The following FKBP15 variants were observed in gnomAD, a reference collection of about 807,000 sequenced individuals.
FKBP15 encodes the protein FK506-binding protein 15.
FKBP15 carries 106 observed loss-of-function variants against 158.1 expected under a neutral mutation model. That is an observed-to-expected ratio of 0.67 (90% CI 0.57 to 0.79). FKBP15 has a LOEUF of 0.79. FKBP15 is among the 30% of genes least tolerant of loss of function. The probability of loss-of-function intolerance (pLI) is 0.00; values close to 1 mark genes in which losing one functional copy is unlikely to be tolerated. For missense variants in FKBP15, 1,287 were observed against 1,479.1 expected (o/e 0.87, Z 2.13); for synonymous variants, 547 against 548.6 (o/e 1.00, Z 0.04).
rs1443291104 is a variant in FKBP15, at chr9:113,176,658, G to T, written c.2102C>A (p.Ser701Tyr). 6.2e-7 allele frequency: 1 copy of T among 1,609,008 alleles called. No homozygotes were observed. The highest frequency in any genetic ancestry group is 8.5e-7 in the Non-Finnish European group (1 of 1,177,196). Residue 701 changes from serine to tyrosine, a missense_variant, in exon 21 of 28, where the codon TCT becomes TAT. Ser to Tyr is a moderately radical substitution (Grantham distance 144, BLOSUM62 -2). Transcript: ENST00000238256. ...QAKLSELQET[S>Y]EQAQSKFKSE... is the part of the protein sequence containing the mutation. ...TTTGAATTTGGACTGTGCTTGCTCA[G>T]AGGTTTCTTGGAGCTCTGGGATACA...
At position 113,169,661 on chromosome 9, in the gene FKBP15, T is replaced by A. The variant is rs760891480; in HGVS notation, c.3048A>T (p.Ala1016=). 7.4e-6 allele frequency: 12 copies of A among 1,613,930 alleles called. No individual in the cohort carries two copies. The South Asian group carries it at 9.9e-5, about 13-fold the overall frequency. Residue 1016 remains alanine, a synonymous_variant, in exon 26 of 28, where the codon GCA becomes GCT. Coordinates refer to ENST00000238256, the MANE Select transcript of FKBP15 (RefSeq NM_015258.2). ...HRRKGDSEAE[A]LSEIKDGSLP... is the part of the protein sequence containing the mutation. ...GGGAACCATCTTTTATCTCTGAGAG[T>A]GCCTCAGCTTCTGAGTCCCCTTTCC...
intron 11 of FKBP15, among the ~76,000 whole-genome samples, chr9:113,192,698 T>C (rs1830599103): frequency 6.6e-6 from 1 of 152,168 alleles, no homozygotes; most frequent in South Asian, 2.1e-4. Flanking sequence ...GCGCTTACAA[T>C]ATGCCAGACA....
chr9:113,188,272 C>G (rs1830517004), intron 13 of FKBP15, 117 bp downstream of exon 13: 2 of 784,714 alleles, frequency 2.5e-6, no homozygotes, highest in South Asian at 1.7e-5. Flanking sequence ...CACACTCTTA[C>G]ATTTACACTT....
intron 12 of FKBP15, among the ~76,000 whole-genome samples, chr9:113,190,190 G>A (rs1830550701): frequency 6.6e-6 from 1 of 152,190 alleles, no homozygotes; most frequent in Non-Finnish European, 1.5e-5. Context: ...GCTGCCCAGA[G>A]AGTGATCTTT....
intron 15 of FKBP15, among the ~76,000 whole-genome samples, chr9:113,185,957 C>T (rs983992311): frequency 4.6e-5 from 7 of 151,942 alleles, no homozygotes; most frequent in African/African-American, 1.7e-4. Context: ...GGGAGAAAAT[C>T]CAAGGAAAAA....
At chr9:113,206,712 A>ATTTTTTTTTTT (rs35902681) in intron 3 of FKBP15, 134 bp from the exon 4 acceptor site, 1 of 258,370 alleles carries the variant, frequency 3.9e-6, no homozygotes. Flanking sequence ...GCGGTTTAAA[A>ATTTTTTTTTTT]TTTTTTTTTT....
At chr9:113,178,056 G>A (rs970833241) in intron 20 of FKBP15, among the ~76,000 whole-genome samples, 1 of 152,120 alleles carries the variant, frequency 6.6e-6, no homozygotes, top group Non-Finnish European at 1.5e-5. Flanking sequence ...ATTTTGAAGA[G>A]GACTAAAAGC....
chr9:113,190,177 C>G (rs917497767), intron 12 of FKBP15, among the ~76,000 whole-genome samples: 1 of 152,198 alleles, frequency 6.6e-6, no homozygotes, highest in African/African-American at 2.4e-5. Context: ...GATTGGGCAT[C>G]ATGCTGCCCA....
chr9:113,206,712 A>T (rs59602078), intron 3 of FKBP15, 134 bp from the exon 4 acceptor site: 3,521 of 290,198 alleles, frequency 0.012, 163 homozygotes, highest in African/African-American at 0.082. Flanking sequence ...GCGGTTTAAA[A>T]TTTTTTTTTT....
At chr9:113,176,713 A>C (rs746798844) in intron 20 of FKBP15, 40 bp from the exon 21 acceptor site, 4 of 1,597,846 alleles carry the variant, frequency 2.5e-6, no homozygotes, top group Middle Eastern at 3.3e-4. Context: ...ACAGAACCAA[A>C]GCTGTAATGG....
At chr9:113,218,392 T>TAC (rs1482879266) in intron 1 of FKBP15, among the ~76,000 whole-genome samples, 1 of 88,862 alleles carries the variant, frequency 1.1e-5, no homozygotes, top group African/African-American at 5.1e-5. Context: ...TATATATATA[T>TAC]ATATATATAT....
At position 113,164,364 on chromosome 9, in the gene FKBP15, T is replaced by C. The variant is rs550611537; in HGVS notation, c.*1714A>G. 2.0e-5 allele frequency: 3 copies of C among 152,368 alleles called. No homozygotes were observed. The East Asian group carries it at 5.8e-4, about 29-fold the overall frequency. The allele number at this position is 152,368 out of a possible 1,614,324, so 9.4% of individuals were successfully genotyped here. A position where few individuals can be genotyped will look rare whatever the true frequency, so the allele number is the denominator to read the frequency against. On this transcript the variant is annotated 3_prime_UTR_variant, in exon 28 of 28. Coordinates refer to ENST00000238256, the MANE Select transcript of FKBP15 (RefSeq NM_015258.2). ...ATGCCAACTGAGGCAAGTCAAGTCA[T>C]TCTTCATTCATGTAACAAGTATTAA... is the stretch of plus-strand genomic sequence containing the variant.
chr9:113,171,781 AC>A, intron 23 of FKBP15, 75 bp from the exon 24 acceptor site: 1 of 1,232,956 alleles, frequency 8.1e-7, no homozygotes, highest in Non-Finnish European at 1.0e-6. Context: ...GAGGAGAACC[AC>A]CCAAACATCA....
intron 25 of FKBP15, 88 bp from the exon 26 acceptor site, chr9:113,170,030 A>C: frequency 7.0e-7 from 1 of 1,430,370 alleles, no homozygotes; most frequent in Non-Finnish European, 9.2e-7. Context: ...CATGTAGTTT[A>C]AATGACTTTG....
intron 25 of FKBP15, 96 bp downstream of exon 25, chr9:113,170,426 C>T (rs1382915661): frequency 1.1e-6 from 1 of 919,156 alleles, no homozygotes; most frequent in Non-Finnish European, 1.8e-6. Context: ...GCCACTGTGC[C>T]AGCTTTGAAC....
chr9:113,191,182 CTTT>C (rs34475285), intron 11 of FKBP15, among the ~76,000 whole-genome samples: 2 of 146,598 alleles, frequency 1.4e-5, no homozygotes, highest in African/African-American at 2.5e-5. Flanking sequence ...ATTATTATTA[CTTT>C]TTTTTTTTTG....
chr9:113,193,346 T>G (rs1830609900), intron 11 of FKBP15, 146 bp downstream of exon 11: 1 of 506,484 alleles, frequency 2.0e-6, no homozygotes, highest in South Asian at 4.4e-5. Flanking sequence ...ACACTTTTTT[T>G]TTTTTTAAAG....
rs771031978 is a variant in FKBP15, at chr9:113,188,470, C to A, written c.1195G>T (p.Gly399Cys). The A allele has an allele frequency of 6.2e-6, 10 of 1,613,924 alleles. No individual in the cohort carries two copies. The South Asian group carries it at 1.1e-4, about 18-fold the overall frequency. ...GACGGAGTCACCACAGGCTGCCCAC[C>A]TCCTTGCAGAGTGTTCACATCCTGA... ...EIEDVNTLQG[G>C]GQPVVTPSVQ... Residue 399 changes from glycine to cysteine, a missense_variant, in exon 13 of 28, where the codon GGT becomes TGT. Transcript: ENST00000238256.
intron 19 of FKBP15, among the ~76,000 whole-genome samples, chr9:113,180,778 C>T (rs1039099774): frequency 6.6e-6 from 1 of 152,150 alleles, no homozygotes; most frequent in Non-Finnish European, 1.5e-5. Context: ...AAGAAGGCAA[C>T]CTCTAATAGC....
Sources: gnomAD v4.1 joint callset for allele counts (sites outside exome capture counted in the v4.1 genomes callset) on GRCh38, gnomAD v4.1.1 for gene constraint, MANE v1.5 for transcripts, NCBI Gene and HGNC (gene_info 2026-07-23, HGNC 2026-07-21) for gene names.